Variants in LRRTM4 observed in about 807,000 individuals in gnomAD.
LRRTM4 encodes the protein leucine-rich repeat transmembrane neuronal protein 4.
Under a neutral mutation model 47.6 loss-of-function variants are expected in LRRTM4, and 25 were observed. That is an observed-to-expected ratio of 0.53 (90% CI 0.38 to 0.73). The LOEUF is 0.73. Ranked by LOEUF, LRRTM4 falls within the 30% of genes least tolerant of loss-of-function variation. The pLI is 0.00. For missense variants in LRRTM4, 638 were observed against 713.4 expected, an observed-to-expected ratio of 0.89 and a Z score of 1.20; for synonymous variants, 311 against 269.5, an observed-to-expected ratio of 1.15 and a Z score of -1.51.
At chr2:77,039,582 C>T (rs552628732) in intron 3 of LRRTM4, among the ~76,000 whole-genome samples, 12 of 151,190 alleles carry the variant, frequency 7.9e-5, no homozygotes, top group African/African-American at 2.7e-4. Context: ...CCCAATCTAT[C>T]TTCCATTTGT....
At chr2:77,113,929 A>C (rs138739971) in intron 3 of LRRTM4, among the ~76,000 whole-genome samples, 2 of 152,230 alleles carry the variant, frequency 1.3e-5, no homozygotes, top group East Asian at 3.9e-4. Flanking sequence ...GGGGCCGCGG[A>C]AGCTGCAAGT....
At chr2:77,204,759 T>G (rs2103907396) in intron 3 of LRRTM4, among the ~76,000 whole-genome samples, 1 of 152,270 alleles carries the variant, frequency 6.6e-6, no homozygotes, top group Admixed American at 6.5e-5. Flanking sequence ...CCTCTTCAAC[T>G]TATGTCCTAC....
chr2:76,831,261 C>T (rs757653532), intron 3 of LRRTM4, among the ~76,000 whole-genome samples: 2 of 152,034 alleles, frequency 1.3e-5, no homozygotes, highest in African/African-American at 2.4e-5. Context: ...ATAATAAATA[C>T]ATATAGACTT....
intron 3 of LRRTM4, among the ~76,000 whole-genome samples, chr2:76,854,715 T>A (rs1573215158): frequency 1.3e-5 from 2 of 152,288 alleles, no homozygotes; most frequent in African/African-American, 4.8e-5. Flanking sequence ...CGCTACTTAC[T>A]TATTTTTAAA....
chr2:77,194,183 A>G (rs1673752887), intron 3 of LRRTM4, among the ~76,000 whole-genome samples: 3 of 152,118 alleles, frequency 2.0e-5, no homozygotes, highest in Admixed American at 2.0e-4. Flanking sequence ...AGAAAATATG[A>G]CTATATCTTG....
At chr2:76,823,017 T>C (rs896952138) in intron 3 of LRRTM4, among the ~76,000 whole-genome samples, 5 of 151,418 alleles carry the variant, frequency 3.3e-5, no homozygotes, top group African/African-American at 1.2e-4. Flanking sequence ...TTAAAAATAA[T>C]GCATTATGTC....
intron 2 of LRRTM4, among the ~76,000 whole-genome samples, chr2:77,521,033 A>G (rs1679469744): frequency 6.6e-6 from 1 of 151,706 alleles, no homozygotes; most frequent in Non-Finnish European, 1.5e-5. Flanking sequence ...CAAACAGTTA[A>G]GTTTTTCTTT....
At chr2:76,832,374 T>A (rs189788470) in intron 3 of LRRTM4, among the ~76,000 whole-genome samples, 6 of 151,466 alleles carry the variant, frequency 4.0e-5, no homozygotes, top group Admixed American at 3.9e-4. Context: ...AGTACTTCTC[T>A]GGCCACCAAG....
chr2:76,793,672 A>C (rs904830420), intron 3 of LRRTM4, among the ~76,000 whole-genome samples: 2 of 152,138 alleles, frequency 1.3e-5, no homozygotes, highest in Admixed American at 1.3e-4. Context: ...GTAGATGAAG[A>C]GTCAGTGATT....
Position 77,330,197 on chromosome 2 carries a change from C to G in LRRTM4, c.1551+188121G>C, listed in dbSNP as rs191430077. On this transcript the variant is annotated intron_variant, in intron 3 of 3. Coordinates refer to ENST00000409884, the MANE Select transcript of LRRTM4 (RefSeq NM_001134745.3). ...AGAGGAGTAATCTGGGGGGGCAGGACTGTAGGTGGGGAGACCATTTGTTCA... is the reference window on the plus strand; with the variant it reads ...AGAGGAGTAATCTGGGGGGGCAGGAGTGTAGGTGGGGAGACCATTTGTTCA... Among the ~76,000 whole-genome samples, 679 of 152,194 alleles carry G rather than the reference C, an allele frequency of 4.5e-3. 7 individuals carry two copies. The highest frequency in any genetic ancestry group is 0.015 in the African/African-American group (620 of 41,526).
intron 3 of LRRTM4, among the ~76,000 whole-genome samples, chr2:77,379,872 C>A (rs1433998765): frequency 1.3e-5 from 2 of 151,944 alleles, no homozygotes; most frequent in African/African-American, 4.8e-5. Flanking sequence ...TTGCTGCTAA[C>A]TTGTAGTTGG....
chr2:76,812,683 C>CTTTCTTTCTTTCT (rs1156789321), intron 3 of LRRTM4, among the ~76,000 whole-genome samples: 3 of 150,792 alleles, frequency 2.0e-5, no homozygotes, highest in Non-Finnish European at 4.4e-5. Flanking sequence ...CTCTTTCTTT[C>CTTTCTTTCTTTCT]TTTCTTTCTT....
At chr2:77,063,090 GA>G (rs201962741) in intron 3 of LRRTM4, among the ~76,000 whole-genome samples, 5,888 of 151,812 alleles carry the variant, frequency 0.039, 324 homozygotes, top group African/African-American at 0.13. Flanking sequence ...GAGAAGCTGG[GA>G]CTACAGGCAC....
chr2:77,111,042 G>A (rs1671233350), intron 3 of LRRTM4, among the ~76,000 whole-genome samples: 2 of 152,314 alleles, frequency 1.3e-5, no homozygotes, highest in South Asian at 4.1e-4. Flanking sequence ...AAGGAATTGA[G>A]AAGCAAGAAG....
chr2:77,418,812 T>C (rs1438198480), intron 3 of LRRTM4, among the ~76,000 whole-genome samples: 2 of 152,170 alleles, frequency 1.3e-5, no homozygotes, highest in Non-Finnish European at 2.9e-5. Flanking sequence ...TCACTATCTA[T>C]CTTGTTTCAA....
intron 3 of LRRTM4, among the ~76,000 whole-genome samples, chr2:77,123,225 G>C (rs1671564882): frequency 6.6e-6 from 1 of 151,630 alleles, no homozygotes; most frequent in Admixed American, 6.6e-5. Context: ...GAGAGAGAGA[G>C]AGAGAGAGAG....
chr2:77,384,457 AACAT>A, intron 3 of LRRTM4, among the ~76,000 whole-genome samples: 1 of 151,870 alleles, frequency 6.6e-6, no homozygotes, highest in East Asian at 1.9e-4. Context: ...TACAATGTCT[AACAT>A]ACATTAAACT....
chr2:77,473,051 T>C (rs975550420), intron 3 of LRRTM4, among the ~76,000 whole-genome samples: 1 of 152,098 alleles, frequency 6.6e-6, no homozygotes, highest in Non-Finnish European at 1.5e-5. Context: ...CTAGAGTAGA[T>C]TGAAGATCAA....
At chr2:77,284,622 T>C (rs1676599779) in intron 3 of LRRTM4, among the ~76,000 whole-genome samples, 1 of 152,130 alleles carries the variant, frequency 6.6e-6, no homozygotes, top group Non-Finnish European at 1.5e-5. Context: ...TTCTCTATTC[T>C]GCAGGTAATT....
Sources: gnomAD v4.1 joint callset for allele counts (sites outside exome capture counted in the v4.1 genomes callset) on GRCh38, gnomAD v4.1.1 for gene constraint, MANE v1.5 for transcripts, NCBI Gene and HGNC (gene_info 2026-07-23, HGNC 2026-07-21) for gene names.